Variants in SLC35F1 observed in about 807,000 individuals in gnomAD.
SLC35F1 encodes chromosome 6 open reading frame 169.
A neutral mutation model predicts 48.7 loss-of-function variants in SLC35F1; 14 were observed. The observed-to-expected ratio is 0.29, with a 90% CI of 0.19 to 0.45. SLC35F1 has a LOEUF of 0.45. Ranked by LOEUF, SLC35F1 falls within the 20% of genes least tolerant of loss-of-function variation. The pLI, the probability that SLC35F1 is intolerant of heterozygous loss-of-function variation, is 1.00. For missense variants in SLC35F1, 404 were observed against 500.0 expected, an observed-to-expected ratio of 0.81 and a Z score of 1.83; for synonymous variants, 190 against 202.2, an observed-to-expected ratio of 0.94 and a Z score of 0.51.
intron 2 of SLC35F1, among the ~76,000 whole-genome samples, chr6:118,169,125 G>A (rs1774362321): frequency 6.6e-6 from 1 of 152,170 alleles, no homozygotes; most frequent in Non-Finnish European, 1.5e-5. Flanking sequence ...TGGTGCCTCT[G>A]ATAGCAACAT....
intron 7 of SLC35F1, among the ~76,000 whole-genome samples, chr6:118,310,338 T>C (rs1776358545): frequency 4.6e-5 from 7 of 152,176 alleles, no homozygotes; most frequent in Admixed American, 4.6e-4. Flanking sequence ...AAGTATTTCT[T>C]TGCAGTTAGT....
intron 1 of SLC35F1, among the ~76,000 whole-genome samples, chr6:117,933,552 A>T (rs1776127756): frequency 6.6e-6 from 1 of 152,200 alleles, no homozygotes; most frequent in Non-Finnish European, 1.5e-5. Context: ...ACTGGTTAGA[A>T]CTGCCCTCTG....
chr6:118,310,159 A>G (rs1776356714), intron 7 of SLC35F1, among the ~76,000 whole-genome samples: 1 of 152,192 alleles, frequency 6.6e-6, no homozygotes, highest in African/African-American at 2.4e-5. Context: ...TACAGTTTGC[A>G]AAGGAGAAGA....
At chr6:118,297,598 T>C (rs1776202041) in intron 7 of SLC35F1, among the ~76,000 whole-genome samples, 1 of 145,524 alleles carries the variant, frequency 6.9e-6, no homozygotes, top group African/African-American at 2.5e-5. Context: ...AATTCTATCC[T>C]AAGTTGCATT....
intron 7 of SLC35F1, among the ~76,000 whole-genome samples, chr6:118,301,531 G>A (rs1776254753): frequency 6.6e-6 from 1 of 152,054 alleles, no homozygotes; most frequent in African/African-American, 2.4e-5. Context: ...TTAACATTTG[G>A]TAAGAAATTT....
intron 2 of SLC35F1, among the ~76,000 whole-genome samples, chr6:118,235,054 A>G (rs1775344847): frequency 6.6e-6 from 1 of 152,204 alleles, no homozygotes; most frequent in South Asian, 2.1e-4. Flanking sequence ...TCAGGATAGC[A>G]TCTCAGAGTC....
At chr6:117,944,563 C>A (rs902811811) in intron 1 of SLC35F1, among the ~76,000 whole-genome samples, 4 of 145,426 alleles carry the variant, frequency 2.8e-5, no homozygotes, top group Non-Finnish European at 6.1e-5. Context: ...TTTTTGAGAT[C>A]CCCCTCTCCC....
chr6:118,273,730 C>G (rs1775886537), intron 4 of SLC35F1, among the ~76,000 whole-genome samples: 1 of 152,186 alleles, frequency 6.6e-6, no homozygotes, highest in Non-Finnish European at 1.5e-5. Flanking sequence ...TCTGGTTTCT[C>G]ATTAGGGCCT....
At chr6:118,204,281 G>A (rs918696203) in intron 2 of SLC35F1, among the ~76,000 whole-genome samples, 69 of 152,122 alleles carry the variant, frequency 4.5e-4, no homozygotes, top group African/African-American at 1.6e-3. Context: ...AGCATGATAA[G>A]GAAGTGAAAG....
At chr6:118,222,352 T>C (rs9398485) in intron 2 of SLC35F1, among the ~76,000 whole-genome samples, 44,685 of 152,072 alleles carry the variant, frequency 0.29, 7,609 homozygotes, top group East Asian at 0.63. Context: ...GACCTTTACA[T>C]TTCCCATATT....
chr6:118,139,890 G>A (rs1023456604), intron 1 of SLC35F1, among the ~76,000 whole-genome samples: 1 of 152,166 alleles, frequency 6.6e-6, no homozygotes, highest in African/African-American at 2.4e-5. Flanking sequence ...GGATGGTGGT[G>A]GGGAGGAGGT....
At chr6:118,299,239 A>G (rs1463781154) in intron 7 of SLC35F1, among the ~76,000 whole-genome samples, 1 of 152,216 alleles carries the variant, frequency 6.6e-6, no homozygotes, top group Admixed American at 6.5e-5. Context: ...TTTCATATAT[A>G]AACATTTAAG....
intron 1 of SLC35F1, among the ~76,000 whole-genome samples, chr6:117,957,210 C>G (rs979303820): frequency 1.3e-5 from 2 of 152,150 alleles, no homozygotes; most frequent in Non-Finnish European, 2.9e-5. Context: ...CAATCACCCA[C>G]GTGAATATTT....
At chr6:118,255,658 A>G (rs538879477) in intron 3 of SLC35F1, among the ~76,000 whole-genome samples, 18 of 152,332 alleles carry the variant, frequency 1.2e-4, no homozygotes, top group Non-Finnish European at 2.5e-4. Context: ...GAGCAACTAG[A>G]AAGTTCGGAT....
intron 2 of SLC35F1, among the ~76,000 whole-genome samples, chr6:118,173,515 C>T (rs2114499197): frequency 6.6e-6 from 1 of 152,148 alleles, no homozygotes; most frequent in Middle Eastern, 3.4e-3. Context: ...TACCTGCAAA[C>T]TCTGTTCCAT....
rs1338979 is a variant in SLC35F1, at chr6:117,908,609, C to T, written c.173+710C>T. Among the ~76,000 whole-genome samples, 1,352 of 152,334 alleles carry T rather than the reference C, an allele frequency of 8.9e-3. 20 individuals carry two copies. The highest frequency in any genetic ancestry group is 0.031 in the African/African-American group (1,287 of 41,578). On this transcript the variant is annotated intron_variant, in intron 1 of 7. Transcript: ENST00000360388. ...GGGCGGGTGCCGATCGCCGGCGCCT[C>T]CAGTGCTGGAATCTGCGTAGTGGAT...
intron 1 of SLC35F1, among the ~76,000 whole-genome samples, chr6:117,935,450 T>TA (rs1776152761): frequency 6.6e-6 from 1 of 152,244 alleles, no homozygotes; most frequent in Admixed American, 6.5e-5. Context: ...CAAACCTTTT[T>TA]AAAATGTGTG....
At position 118,179,928 on chromosome 6, in the gene SLC35F1, C is replaced by T. The variant is rs566631587; in HGVS notation, c.349+25308C>T. Among the ~76,000 whole-genome samples the T allele has an allele frequency of 2.0e-4, 30 of 152,116 alleles. 1 individual carries two copies. In the South Asian group the frequency reaches 2.1e-3, roughly 11 times the overall value. Reference sequence around the variant, plus strand: ...GGCATTCAAAAGGAAAGGCTTGGAACGCAGCAAATGTGAAATGTTGGACCA... The same window carrying T: ...GGCATTCAAAAGGAAAGGCTTGGAATGCAGCAAATGTGAAATGTTGGACCA... On this transcript the variant is annotated intron_variant, in intron 2 of 7. Coordinates refer to ENST00000360388, the MANE Select transcript of SLC35F1 (RefSeq NM_001029858.4).
At chr6:117,946,095 G>T (rs766342190) in intron 1 of SLC35F1, among the ~76,000 whole-genome samples, 1 of 152,126 alleles carries the variant, frequency 6.6e-6, no homozygotes, top group Non-Finnish European at 1.5e-5. Context: ...AAAGGAAAAT[G>T]AACTGGATTG....
Sources: allele counts gnomAD v4.1 joint callset (sites outside exome capture counted in the v4.1 genomes callset), GRCh38; gene constraint gnomAD v4.1.1; transcripts MANE v1.5; gene names NCBI Gene and HGNC (gene_info 2026-07-23, HGNC 2026-07-21).